FETUB: variants seen among roughly 807,000 people sequenced by gnomAD.
FETUB encodes fetuin-B.
In FETUB, 28 loss-of-function variants were observed where a neutral mutation model predicts 30.9. The observed-to-expected ratio is 0.90, with a 90% confidence interval of 0.67 to 1.24. FETUB has a LOEUF of 1.24. Ranked by LOEUF, FETUB falls within the 50% of genes most tolerant of loss-of-function variation. The pLI is 0.00. For missense variants in FETUB, 469 were observed against 455.3 expected, an observed-to-expected ratio of 1.03 and a Z score of -0.27; for synonymous variants, 186 against 175.9, an observed-to-expected ratio of 1.06 and a Z score of -0.45.
Position 186,646,324 on chromosome 3 carries a change from G to A in FETUB, c.671G>A (p.Cys224Tyr). The A allele has an allele frequency of 6.2e-7, 1 of 1,613,696 alleles. No individual in the cohort carries two copies. Among genetic ancestry groups the A allele is most frequent in the South Asian group, 1.1e-5 (1 of 91,072 alleles). The stretch of plus-strand genomic sequence containing the variant: ...TGTACTAAATCCCAGGCCAGCAGCT[G>A]TTCACTTCAGTCCTCCGACTCTGTG... ...SPCTKSQASS[C>Y]SLQSSDSVPV... The change falls in exon 5 of 7, where the codon TGT becomes TAT. Residue 224 changes from cysteine (C) to tyrosine (Y), a missense_variant. By Grantham distance (194) the Cys-to-Tyr change is radical (BLOSUM62 -2). Coordinates refer to ENST00000265029, the MANE Select transcript of FETUB (RefSeq NM_014375.3).
At chr3:186,648,402 T>C in intron 5 of FETUB, among the ~76,000 whole-genome samples, 1 of 152,234 alleles carries the variant, frequency 6.6e-6, no homozygotes, top group East Asian at 1.9e-4. Flanking sequence ...AACTTTGTAG[T>C]AAGTTTTGAG....
At chr3:186,647,520 T>G (rs6801438) in intron 5 of FETUB, among the ~76,000 whole-genome samples, 1 of 152,000 alleles carries the variant, frequency 6.6e-6, no homozygotes, top group Admixed American at 6.5e-5. Flanking sequence ...TTTCTTTTGG[T>G]TATAGCCATC....
Position 186,640,602 on chromosome 3 carries a change from GC to G in FETUB, c.145del (p.Leu49CysfsTer14). 2 of 1,614,154 alleles carry G rather than the reference GC, an allele frequency of 1.2e-6. No homozygotes were observed. Among genetic ancestry groups the G allele is most frequent in the Non-Finnish European group, 1.7e-6 (2 of 1,179,986 alleles). On this transcript the variant is annotated frameshift_variant, in exon 1 of 7. Transcript: ENST00000265029. LOFTEE classifies it high-confidence loss of function. ...DSDVLAVAGF[A>X]LRDINKDRKD... ...AGATGTGCTGGCAGTTGCAGGCTTTGCCCTGCGGGATATTAACAAAGACAGA... is the reference window on the plus strand; with the variant it reads ...AGATGTGCTGGCAGTTGCAGGCTTTGCCTGCGGGATATTAACAAAGACAGA...
intron 5 of FETUB, among the ~76,000 whole-genome samples, chr3:186,647,356 T>C (rs896417485): frequency 1.2e-4 from 18 of 151,964 alleles, no homozygotes; most frequent in Admixed American, 5.9e-4. Context: ...CAGAGTGGAG[T>C]TTTTGTCATA....
chr3:186,640,742 G>T lies in FETUB; in HGVS notation c.225+57G>T, dbSNP rs546556743. 367 of 1,427,966 alleles carry T rather than the reference G, an allele frequency of 2.6e-4. 5 individuals carry two copies. In the South Asian group the frequency reaches 4.0e-3, roughly 16 times the overall value. The allele number at this position is 1,427,966 out of a possible 1,614,324, so 88.5% of individuals were successfully genotyped here. The stretch of plus-strand genomic sequence containing the variant: ...GGATGTGGGCAAGCTGGAGAGACTG[G>T]CCAGGGTGAGGGAACCCAGAGACAC... On this transcript the variant is annotated intron_variant, in intron 1 of 6. Transcript: ENST00000265029.
rs985454635 is a variant in FETUB, at chr3:186,644,733, T to C, written c.425-18T>C. 1.1e-5 allele frequency: 17 copies of C among 1,580,534 alleles called. No homozygotes were observed. Among genetic ancestry groups the C allele is most frequent in the South Asian group, 1.2e-5 (1 of 85,674 alleles). ...AAAATTAATAGCATTTAAAAACTTATGTTATTGGCATCAACAGTTTCAAAA... is the reference window on the plus strand; with the variant it reads ...AAAATTAATAGCATTTAAAAACTTACGTTATTGGCATCAACAGTTTCAAAA... On this transcript the variant is annotated intron_variant, in intron 3 of 6. Coordinates refer to ENST00000265029, the MANE Select transcript of FETUB (RefSeq NM_014375.3).
intron 3 of FETUB, among the ~76,000 whole-genome samples, chr3:186,643,534 G>C (rs1311372009): frequency 2.0e-5 from 3 of 152,162 alleles, no homozygotes; most frequent in Non-Finnish European, 4.4e-5. Context: ...AATGCTGCTG[G>C]TTGCTTTGAA....
At chr3:186,647,495 A>G (rs908026807) in intron 5 of FETUB, among the ~76,000 whole-genome samples, 1 of 152,198 alleles carries the variant, frequency 6.6e-6, no homozygotes, top group Admixed American at 6.5e-5. Context: ...ATCTTTGCCA[A>G]CACCTATTAT....
At chr3:186,640,717 G>T in intron 1 of FETUB, 32 bp downstream of exon 1, 1 of 1,570,264 alleles carries the variant, frequency 6.4e-7, no homozygotes, top group South Asian at 1.1e-5. Flanking sequence ...TCTGGGGCAG[G>T]GATGTGGGCA....
At chr3:186,639,507 T>C (rs1414250372), upstream of FETUB, among the ~76,000 whole-genome samples, 1 of 152,180 alleles carries the variant, frequency 6.6e-6, no homozygotes, top group Non-Finnish European at 1.5e-5. Flanking sequence ...TGATAACCTC[T>C]TCTAGAGGCT....
chr3:186,638,261 A>G (rs1198939516), upstream of FETUB, among the ~76,000 whole-genome samples: 2 of 152,172 alleles, frequency 1.3e-5, no homozygotes, highest in African/African-American at 4.8e-5. Flanking sequence ...GCAGAAATTT[A>G]ACTTCCATGC....
upstream of FETUB, among the ~76,000 whole-genome samples, chr3:186,636,992 C>T (rs1278547783): frequency 6.6e-6 from 1 of 152,188 alleles, no homozygotes; most frequent in African/African-American, 2.4e-5. Flanking sequence ...ATGCCTTCTT[C>T]TCTGAAGCCA....
upstream of FETUB, among the ~76,000 whole-genome samples, chr3:186,638,336 A>T (rs533302429): frequency 6.6e-6 from 1 of 152,220 alleles, no homozygotes; most frequent in Admixed American, 6.5e-5. Context: ...TTGGGCTTCT[A>T]GGGAAAGAGG....
At chr3:186,641,231 C>T in intron 2 of FETUB, 91 bp downstream of exon 2, 1 of 760,050 alleles carries the variant, frequency 1.3e-6, no homozygotes, top group Non-Finnish European at 2.3e-6. Flanking sequence ...CAATATCTGT[C>T]ATCTTTTAAA....
upstream of FETUB, chr3:186,640,387 T>C: frequency 8.3e-7 from 1 of 1,209,690 alleles, no homozygotes; most frequent in Non-Finnish European, 1.2e-6. Context: ...CAAGTCTGCC[T>C]TAAAGAGCCT....
chr3:186,640,267 T>C, upstream of FETUB: 1 of 602,912 alleles, frequency 1.7e-6, no homozygotes, highest in East Asian at 2.8e-5. Flanking sequence ...TGCTCAAGGG[T>C]CTAAGGTTAG....
chr3:186,652,796 C>A lies in FETUB; in HGVS notation c.*165C>A. 1.2e-6 allele frequency: 1 copy of A among 807,012 alleles called. No individual in the cohort carries two copies. The highest frequency in any genetic ancestry group is 1.9e-6 in the Non-Finnish European group (1 of 531,254). The allele number at this position is 807,012 out of a possible 1,614,324, so 50.0% of individuals were successfully genotyped here. On this transcript the variant is annotated 3_prime_UTR_variant, in exon 7 of 7. Transcript: ENST00000265029. The stretch of plus-strand genomic sequence containing the variant: ...TTGACTGGGATTGGAAATAATGAGA[C>A]TGAGCCCTCGGCTTGGGCTGCACTC...
upstream of FETUB, among the ~76,000 whole-genome samples, chr3:186,636,456 T>G (rs1446309614): frequency 1.3e-5 from 2 of 152,230 alleles, no homozygotes; most frequent in Non-Finnish European, 2.9e-5. Context: ...CCTGTGCTCT[T>G]AGCCATACCG....
intron 1 of FETUB, 104 bp from the exon 2 acceptor site, chr3:186,640,926 C>T (rs1716996650): frequency 1.3e-6 from 1 of 757,726 alleles, no homozygotes; most frequent in Non-Finnish European, 2.2e-6. Context: ...GGAATCTTCA[C>T]AAATATTCTT....
Sources: gnomAD v4.1 joint callset for allele counts (sites outside exome capture counted in the v4.1 genomes callset) on GRCh38, gnomAD v4.1.1 for gene constraint, MANE v1.5 for transcripts, NCBI Gene and HGNC (gene_info 2026-07-23, HGNC 2026-07-21) for gene names.